The following SCAI variants were observed in gnomAD, a reference collection of about 807,000 sequenced individuals.
SCAI encodes the protein protein SCAI.
SCAI carries 24 observed loss-of-function variants against 92.2 expected under a neutral mutation model. The observed-to-expected ratio is 0.26, with a 90% CI of 0.19 to 0.37. The LOEUF is 0.37. SCAI is among the 10% of genes least tolerant of loss of function. The probability of loss-of-function intolerance (pLI) is 1.00; values close to 1 mark genes in which losing one functional copy is unlikely to be tolerated. For synonymous variants in SCAI, 261 were observed against 258.6 expected, an observed-to-expected ratio of 1.01 and a Z score of -0.09; for missense variants, 450 against 736.2, an observed-to-expected ratio of 0.61 and a Z score of 4.50.
chr9:124,970,153 G>A (rs939315295), intron 17 of SCAI, among the ~76,000 whole-genome samples: 1 of 152,040 alleles, frequency 6.6e-6, no homozygotes, highest in African/African-American at 2.4e-5. Flanking sequence ...CGCCTGGCCA[G>A]TATCATTTAT....
At chr9:125,107,193 A>G (rs1834818730) in intron 2 of SCAI, among the ~76,000 whole-genome samples, 1 of 151,944 alleles carries the variant, frequency 6.6e-6, no homozygotes, top group Non-Finnish European at 1.5e-5. Context: ...AGAGGATCAC[A>G]AGGTCAGGAG....
chr9:125,090,420 G>A (rs1834407901), intron 2 of SCAI, among the ~76,000 whole-genome samples: 1 of 151,682 alleles, frequency 6.6e-6, no homozygotes, highest in Non-Finnish European at 1.5e-5. Flanking sequence ...GAGGAAGGAG[G>A]AGGAAGAAAG....
In SCAI at chr9:125,122,635, TG is replaced by T. The variant is rs200018049; in HGVS notation, c.98+19997del. Among the ~76,000 whole-genome samples the T allele has an allele frequency of 5.8e-4, 85 of 145,472 alleles. No individual in the cohort carries two copies. In the East Asian group the frequency reaches 0.017, roughly 29 times the overall value. ...AAAAAGCTGGTTGTGCACTGTGCAG[TG>T]GCTCACGCCAGTAATCCCAACACTT... On this transcript the variant is annotated intron_variant, in intron 2 of 17. Transcript: ENST00000336505.
chr9:125,058,549 G>A (rs1833715477), intron 2 of SCAI, among the ~76,000 whole-genome samples: 1 of 152,148 alleles, frequency 6.6e-6, no homozygotes, highest in African/African-American at 2.4e-5. Flanking sequence ...GTGAACTCAT[G>A]GATTTCTGAA....
In SCAI at chr9:125,004,632, C is replaced by T. The variant is rs1250549774; in HGVS notation, c.862-1062G>A. ...GCATAAGCCACGATTCCTGACTTTT[C>T]AGCCCGAATTCTATACACAGAAGTT... On this transcript the variant is annotated intron_variant, in intron 9 of 17. Coordinates refer to ENST00000336505, the MANE Select transcript of SCAI (RefSeq NM_001144877.3). 2.7e-5 allele frequency among the ~76,000 whole-genome samples: 4 copies of T among 149,154 alleles called. 1 individual carries two copies. The highest frequency in any genetic ancestry group is 2.0e-4 in the East Asian group (1 of 5,044).
chr9:124,957,766 C>G (rs1831351561), intron 17 of SCAI, among the ~76,000 whole-genome samples: 1 of 151,758 alleles, frequency 6.6e-6, no homozygotes. Flanking sequence ...ACCACAACCT[C>G]CGCCTCCCGG....
intron 9 of SCAI, among the ~76,000 whole-genome samples, chr9:125,006,214 A>T (rs1801106956): frequency 6.6e-6 from 1 of 152,242 alleles, no homozygotes; most frequent in South Asian, 2.1e-4. Context: ...TGATACAAAC[A>T]TCATACATAA....
rs1472513523 is a variant in SCAI at position 125,111,933 on chromosome 9, G to C, written c.98+30700C>G. On this transcript the variant is annotated intron_variant, in intron 2 of 17. Coordinates refer to ENST00000336505, the MANE Select transcript of SCAI (RefSeq NM_001144877.3). ...AAAGCTGCACAGAGAGAAAATATTA[G>C]AGATCTAGGGAGAGTTTCTCTCAAG... Among the ~76,000 whole-genome samples the C allele has an allele frequency of 2.6e-5, 4 of 152,158 alleles. No homozygotes were observed. In the East Asian group the frequency reaches 5.8e-4, roughly 22 times the overall value.
At chr9:125,001,867 G>A in intron 12 of SCAI, 98 bp downstream of exon 12, 1 of 789,670 alleles carries the variant, frequency 1.3e-6, no homozygotes, top group Non-Finnish European at 2.1e-6. Context: ...AGTCTGTCTA[G>A]AAAGGCTGAG....
intron 14 of SCAI, among the ~76,000 whole-genome samples, chr9:124,989,435 G>T (rs1832068815): frequency 6.6e-6 from 1 of 151,884 alleles, no homozygotes; most frequent in African/African-American, 2.4e-5. Context: ...CAAAAAATTA[G>T]CCAGGCGTGG....
chr9:124,981,789 G>A (rs1351562974), intron 14 of SCAI, among the ~76,000 whole-genome samples: 2 of 151,920 alleles, frequency 1.3e-5, no homozygotes, highest in Non-Finnish European at 2.9e-5. Context: ...AGCTAGCACT[G>A]CACAGACGTG....
chr9:124,954,667 T>C (rs1199886226), intron 17 of SCAI, among the ~76,000 whole-genome samples: 1 of 152,124 alleles, frequency 6.6e-6, no homozygotes, highest in East Asian at 1.9e-4. Flanking sequence ...ATTTAATATA[T>C]CCAGAAAGTT....
intron 17 of SCAI, among the ~76,000 whole-genome samples, chr9:124,962,172 C>A (rs10986499): frequency 1.3e-4 from 12 of 93,678 alleles, no homozygotes; most frequent in African/African-American, 2.9e-4. Flanking sequence ...TTTTTTTTTG[C>A]GGGGGGGGAT....
chr9:125,100,760 C>T (rs567470819), intron 2 of SCAI, among the ~76,000 whole-genome samples: 9 of 152,164 alleles, frequency 5.9e-5, no homozygotes, highest in East Asian at 1.9e-4. Flanking sequence ...AGGCTGATCA[C>T]AAAAGACCTC....
rs537106461 is a variant in SCAI, at chr9:124,999,334, C to T, written c.1244+557G>A. On this transcript the variant is annotated intron_variant, in intron 13 of 17. Coordinates refer to ENST00000336505, the MANE Select transcript of SCAI (RefSeq NM_001144877.3). Reference sequence around the variant, plus strand: ...CCCAGGAGGCAGAGGTTGCAGTGAGCCGAGATCATGCCACTGCACTCCAGC... The same window carrying T: ...CCCAGGAGGCAGAGGTTGCAGTGAGTCGAGATCATGCCACTGCACTCCAGC... Among the ~76,000 whole-genome samples, 1,341 of 151,816 alleles carry T rather than the reference C, an allele frequency of 8.8e-3. 17 individuals are homozygous for T. Among genetic ancestry groups the T allele is most frequent in the African/African-American group, 0.031 (1,267 of 41,372 alleles).
intron 2 of SCAI, among the ~76,000 whole-genome samples, chr9:125,130,670 A>G (rs2131264248): frequency 6.7e-6 from 1 of 149,832 alleles, no homozygotes; most frequent in Non-Finnish European, 1.5e-5. Flanking sequence ...CACACCACCA[A>G]TCCCGGCTAA....
intron 12 of SCAI, among the ~76,000 whole-genome samples, 167 bp from the exon 13 acceptor site, chr9:125,000,157 A>T (rs1242801470): frequency 2.0e-5 from 3 of 152,180 alleles, no homozygotes; most frequent in Non-Finnish European, 4.4e-5. Context: ...TATTTAAATG[A>T]CTTCAGTATG....
chr9:124,960,605 A>G (rs1831418026), intron 17 of SCAI, among the ~76,000 whole-genome samples: 1 of 152,222 alleles, frequency 6.6e-6, no homozygotes, highest in African/African-American at 2.4e-5. Flanking sequence ...AAGTTCACGA[A>G]CAGATGCAAG....
At chr9:125,019,043 AAAAACAT>A in intron 8 of SCAI, 57 bp downstream of exon 8, 1 of 1,531,468 alleles carries the variant, frequency 6.5e-7, no homozygotes, top group South Asian at 1.2e-5. Flanking sequence ...TACACACAAT[AAAAACAT>A]AAACTACACG....
Sources: allele counts gnomAD v4.1 joint callset (sites outside exome capture counted in the v4.1 genomes callset), GRCh38; gene constraint gnomAD v4.1.1; transcripts MANE v1.5; gene names NCBI Gene and HGNC (gene_info 2026-07-23, HGNC 2026-07-21).